SLC22A15: variants seen among roughly 807,000 people sequenced by gnomAD.
SLC22A15 encodes flipt 1.
Under a neutral mutation model 62.7 loss-of-function variants are expected in SLC22A15, and 45 were observed. The ratio of observed to expected loss-of-function variants is 0.72; its 90% CI spans 0.56 to 0.92. The LOEUF is 0.92. Among genes scored for constraint, SLC22A15 ranks in the 40% least tolerant of loss-of-function variants. The probability of loss-of-function intolerance (pLI) is 0.00; values close to 1 mark genes in which losing one functional copy is unlikely to be tolerated. For missense variants in SLC22A15, 622 were observed against 665.6 expected (o/e 0.93, Z 0.72); for synonymous variants, 264 against 267.0 (o/e 0.99, Z 0.11).
At position 116,031,398 on chromosome 1, in the gene SLC22A15, C is replaced by T; in HGVS notation, c.761C>T (p.Ser254Phe). The change falls in exon 6 of 12, where the codon TCC becomes TTC. Residue 254 changes from serine to phenylalanine, a missense_variant. Ser to Phe is a radical substitution (Grantham distance 155). Coordinates refer to ENST00000369503, the MANE Select transcript of SLC22A15 (RefSeq NM_018420.3). ...FIPESPRWLY[S>F]QGRLSEAEEA... is the part of the protein sequence containing the mutation. The stretch of plus-strand genomic sequence containing the variant: ...CCTGAATCACCTCGTTGGTTATACT[C>T]CCAGGGTCGACTGAGTGAGGCTGAA... 6.2e-7 allele frequency: 1 copy of T among 1,613,684 alleles called. No homozygotes were observed. Among genetic ancestry groups the T allele is most frequent in the Non-Finnish European group, 8.5e-7 (1 of 1,179,840 alleles).
chr1:116,045,278 C>G (rs1657900696), intron 8 of SLC22A15, among the ~76,000 whole-genome samples: 1 of 151,826 alleles, frequency 6.6e-6, no homozygotes, highest in African/African-American at 2.4e-5. Flanking sequence ...AACTCCTGAT[C>G]TCAGGTGATC....
rs1052347396 is a variant in SLC22A15 at position 116,069,211 on chromosome 1, G to T, written c.*2103G>T. On this transcript the variant is annotated 3_prime_UTR_variant, in exon 12 of 12. Coordinates refer to ENST00000369503, the MANE Select transcript of SLC22A15 (RefSeq NM_018420.3). ...AATAAGGCTAGGCTGGCCATCAGTT[G>T]CTTATTTCAGATGTGTCACTAAATT... The T allele has an allele frequency of 6.6e-6, 1 of 152,108 alleles. No homozygotes were observed. Among genetic ancestry groups the T allele is most frequent in the Non-Finnish European group, 1.5e-5 (1 of 68,002 alleles). The allele number at this position is 152,108 out of a possible 1,614,324, so 9.4% of individuals were successfully genotyped here.
intron 8 of SLC22A15, among the ~76,000 whole-genome samples, chr1:116,037,734 A>G (rs1657670934): frequency 6.6e-6 from 1 of 152,196 alleles, no homozygotes; most frequent in African/African-American, 2.4e-5. Flanking sequence ...TGCACTCGTC[A>G]TTACAGCCAA....
At chr1:116,004,306 G>C (rs1052707962) in intron 2 of SLC22A15, among the ~76,000 whole-genome samples, 1 of 152,168 alleles carries the variant, frequency 6.6e-6, no homozygotes, top group Non-Finnish European at 1.5e-5. Context: ...GTGGATAGTT[G>C]TTCAATTTGG....
At chr1:116,036,315 TG>T (rs988320563) in intron 7 of SLC22A15, among the ~76,000 whole-genome samples, 2 of 152,168 alleles carry the variant, frequency 1.3e-5, no homozygotes, top group African/African-American at 2.4e-5. Flanking sequence ...AAGCCGTCCA[TG>T]GGGGTATCTT....
intron 1 of SLC22A15, among the ~76,000 whole-genome samples, chr1:115,980,687 G>A (rs1409362775): frequency 2.0e-5 from 3 of 151,292 alleles, no homozygotes; most frequent in Admixed American, 6.6e-5. Flanking sequence ...GGAGTAGAAA[G>A]ATCCACACCC....
chr1:116,056,747 C>T (rs951881856), intron 8 of SLC22A15, among the ~76,000 whole-genome samples: 11 of 152,078 alleles, frequency 7.2e-5, no homozygotes, highest in African/African-American at 1.4e-4. Context: ...TCAGATGTAA[C>T]GCCGCATATC....
chr1:116,026,567 C>T (rs532070772), intron 4 of SLC22A15, among the ~76,000 whole-genome samples: 1 of 152,310 alleles, frequency 6.6e-6, no homozygotes, highest in African/African-American at 2.4e-5. Flanking sequence ...TATTTCCAAG[C>T]CTCAGCCAGA....
At chr1:116,040,381 A>G (rs993333747) in intron 8 of SLC22A15, among the ~76,000 whole-genome samples, 1 of 152,206 alleles carries the variant, frequency 6.6e-6, no homozygotes, top group Non-Finnish European at 1.5e-5. Context: ...ATTCTAATTA[A>G]CCTTAGAACA....
At chr1:116,008,308 C>T (rs151326432) in intron 2 of SLC22A15, among the ~76,000 whole-genome samples, 88 of 152,256 alleles carry the variant, frequency 5.8e-4, no homozygotes, top group African/African-American at 2.0e-3. Context: ...AAAAGAGGAA[C>T]AAGGAGTGGG....
Position 115,991,530 on chromosome 1 carries a change from A to C in SLC22A15, c.88-501A>C, listed in dbSNP as rs1480327505. Among the ~76,000 whole-genome samples, 9 of 152,206 alleles carry C rather than the reference A, an allele frequency of 5.9e-5. No individual in the cohort carries two copies. In the South Asian group the frequency reaches 8.3e-4, roughly 14 times the overall value. ...TTATGCTTACCTGCTTTAGTAAAAC[A>C]ATACAATATATATTGTTTTCTGAGA... On this transcript the variant is annotated intron_variant, in intron 1 of 11. Coordinates refer to ENST00000369503, the MANE Select transcript of SLC22A15 (RefSeq NM_018420.3).
chr1:116,034,763 G>A (rs1194724669), intron 6 of SLC22A15, among the ~76,000 whole-genome samples: 1 of 152,072 alleles, frequency 6.6e-6, no homozygotes, highest in Non-Finnish European at 1.5e-5. Flanking sequence ...ATCTTCTGTT[G>A]GCTTTCTCCA....
chr1:115,996,164 T>G (rs1037210935), intron 2 of SLC22A15, among the ~76,000 whole-genome samples: 7 of 152,226 alleles, frequency 4.6e-5, no homozygotes, highest in Non-Finnish European at 8.8e-5. Flanking sequence ...CCTTTTGAGA[T>G]TGGCTTTTTT....
At chr1:116,063,543 A>G (rs867714866) in intron 9 of SLC22A15, among the ~76,000 whole-genome samples, 5 of 152,182 alleles carry the variant, frequency 3.3e-5, no homozygotes, top group African/African-American at 1.2e-4. Flanking sequence ...TTAGAGGATC[A>G]TTCCAAACAA....
In SLC22A15 at chr1:116,035,310, C is replaced by T; in HGVS notation, c.1068C>T (p.Tyr356=). 1 of 1,612,074 alleles carries T rather than the reference C, an allele frequency of 6.2e-7. No individual in the cohort carries two copies. Among genetic ancestry groups the T allele is most frequent in the Non-Finnish European group, 8.5e-7 (1 of 1,179,078 alleles). ...TTCCATCTTACCCTCTCTGTATCTA[C>T]TTGATTAACCAAAAATGGTGAGTAA... ...IEIPSYPLCI[Y]LINQKWFGRK... Residue 356 remains tyrosine, a synonymous_variant, in exon 7 of 12, where the codon TAC becomes TAT. Transcript: ENST00000369503.
chr1:116,020,975 AT>A, intron 4 of SLC22A15, 90 bp downstream of exon 4: 2 of 1,215,794 alleles, frequency 1.6e-6, no homozygotes, highest in Non-Finnish European at 2.3e-6. Flanking sequence ...CTGGAAATGC[AT>A]TTGGACTTGA....
At position 115,993,903 on chromosome 1, in the gene SLC22A15, C is replaced by T. The variant is rs966468134; in HGVS notation, c.300+1660C>T. On this transcript the variant is annotated intron_variant, in intron 2 of 11. Coordinates refer to ENST00000369503, the MANE Select transcript of SLC22A15 (RefSeq NM_018420.3). ...ACATGACCCAAGCTCTCAGCATAAC[C>T]TATTATTGTCAGGAAAGCCCTCACC... 3.9e-5 allele frequency among the ~76,000 whole-genome samples: 6 copies of T among 152,234 alleles called. No individual in the cohort carries two copies. In the East Asian group the frequency reaches 5.8e-4, roughly 15 times the overall value.
At chr1:116,025,087 T>G (rs886128236) in intron 4 of SLC22A15, among the ~76,000 whole-genome samples, 10 of 152,166 alleles carry the variant, frequency 6.6e-5, no homozygotes, top group Non-Finnish European at 1.2e-4. Context: ...AGGTAGGCAC[T>G]GTTATTTCTG....
chr1:116,048,113 G>A (rs907204280), intron 8 of SLC22A15, among the ~76,000 whole-genome samples: 1 of 152,144 alleles, frequency 6.6e-6, no homozygotes, highest in Non-Finnish European at 1.5e-5. Flanking sequence ...AGAATAATTG[G>A]TGTTCCTGAG....
Sources: allele counts gnomAD v4.1 joint callset (sites outside exome capture counted in the v4.1 genomes callset), GRCh38; gene constraint gnomAD v4.1.1; transcripts MANE v1.5; gene names NCBI Gene and HGNC (gene_info 2026-07-23, HGNC 2026-07-21).